The following NPSR1 variants were observed in gnomAD, a reference collection of about 807,000 sequenced individuals.
NPSR1 encodes the protein neuropeptide S receptor.
NPSR1 carries 48 observed loss-of-function variants against 46.9 expected under a neutral mutation model. That is an observed-to-expected ratio of 1.02 (90% CI 0.81 to 1.30). The LOEUF (loss-of-function observed/expected upper bound fraction) is 1.30. Ranked by LOEUF, NPSR1 falls within the 50% of genes most tolerant of loss-of-function variation. The pLI is 0.00. For missense variants in NPSR1, 450 were observed against 449.5 expected (o/e 1.00, Z -0.01); for synonymous variants, 176 against 168.1 (o/e 1.05, Z -0.36).
chr7:34,739,505 T>C (rs984094807), intron 2 of NPSR1, among the ~76,000 whole-genome samples: 3 of 152,228 alleles, frequency 2.0e-5, no homozygotes, highest in Non-Finnish European at 2.9e-5. Flanking sequence ...TGAGCATTTT[T>C]TCATGTGCTT....
chr7:34,700,462 G>C (rs1429984592), intron 2 of NPSR1, among the ~76,000 whole-genome samples: 3 of 152,146 alleles, frequency 2.0e-5, no homozygotes, highest in African/African-American at 7.2e-5. Context: ...AGGGATTTAA[G>C]CCTGAAGTTT....
chr7:34,658,592 C>T (rs1562631314), intron 1 of NPSR1, 33 bp downstream of exon 1: 4 of 1,602,886 alleles, frequency 2.5e-6, no homozygotes, highest in South Asian at 1.1e-5. Flanking sequence ...TGAACACTGA[C>T]TTATAACAAT....
intron 2 of NPSR1, chr7:34,704,044 G>A (rs1395819148): frequency 6.6e-6 from 1 of 152,144 alleles, no homozygotes; most frequent in Admixed American, 6.5e-5. Flanking sequence ...AATGAGCTTA[G>A]GAATTCTCTG....
intron 1 of NPSR1, among the ~76,000 whole-genome samples, chr7:34,672,867 T>G (rs1792126218): frequency 6.6e-6 from 1 of 152,184 alleles, no homozygotes; most frequent in African/African-American, 2.4e-5. Flanking sequence ...CTCCGGACAA[T>G]GACACAGGCC....
intron 2 of NPSR1, among the ~76,000 whole-genome samples, chr7:34,735,986 G>T (rs2128716299): frequency 6.6e-6 from 1 of 152,200 alleles, no homozygotes; most frequent in Non-Finnish European, 1.5e-5. Context: ...AAAAAGTGAA[G>T]CCTCACATTA....
At position 34,841,986 on chromosome 7, in the gene NPSR1, A is replaced by AC. The variant is rs1584131619; in HGVS notation, c.758-2909dup. On this transcript the variant is annotated intron_variant, in intron 6 of 8. Transcript: ENST00000360581. ...GCTGTACATAATTCTTACACAGATA[A>AC]CAACCTTGTATAATAGACAATCAAA... Among the ~76,000 whole-genome samples the AC allele has an allele frequency of 2.6e-5, 4 of 152,336 alleles. No homozygotes were observed. In the East Asian group the frequency reaches 7.7e-4, roughly 29 times the overall value.
chr7:34,827,034 T>C (rs1789888532), intron 4 of NPSR1, among the ~76,000 whole-genome samples: 2 of 152,170 alleles, frequency 1.3e-5, no homozygotes, highest in South Asian at 4.1e-4. Context: ...AGACTGCATA[T>C]GGGTAGACAC....
chr7:34,810,442 A>G (rs1164040603), intron 3 of NPSR1, among the ~76,000 whole-genome samples: 2 of 152,238 alleles, frequency 1.3e-5, no homozygotes, highest in Non-Finnish European at 2.9e-5. Context: ...ACAGATAATT[A>G]AAAGGTGTGG....
intron 8 of NPSR1, among the ~76,000 whole-genome samples, chr7:34,868,444 C>A (rs1791371043): frequency 6.6e-6 from 1 of 151,668 alleles, no homozygotes; most frequent in African/African-American, 2.4e-5. Flanking sequence ...GAGGGTCAAC[C>A]TGCAAAAAGT....
chr7:34,797,038 C>T (rs555834549), intron 3 of NPSR1, among the ~76,000 whole-genome samples: 5 of 152,252 alleles, frequency 3.3e-5, no homozygotes, highest in African/African-American at 9.6e-5. Flanking sequence ...TTACGTGTCT[C>T]ATGCAAAGAC....
chr7:34,866,340 C>T (rs1416147589), intron 8 of NPSR1, among the ~76,000 whole-genome samples: 1 of 151,746 alleles, frequency 6.6e-6, no homozygotes, highest in African/African-American at 2.4e-5. Context: ...CGTGAGTAAA[C>T]AGAGGAAGTC....
At chr7:34,811,469 G>C (rs559328041) in intron 3 of NPSR1, among the ~76,000 whole-genome samples, 23 of 152,224 alleles carry the variant, frequency 1.5e-4, no homozygotes, top group Non-Finnish European at 1.0e-4. Flanking sequence ...GTACAGGATA[G>C]GGGCATGTAG....
At chr7:34,677,015 A>G (rs1792353221) in intron 1 of NPSR1, among the ~76,000 whole-genome samples, 1 of 152,238 alleles carries the variant, frequency 6.6e-6, no homozygotes, top group South Asian at 2.1e-4. Flanking sequence ...TAGTCCAAGA[A>G]CAAAAGCCCA....
chr7:34,670,207 G>A (rs1005722816), intron 1 of NPSR1, among the ~76,000 whole-genome samples: 3 of 152,092 alleles, frequency 2.0e-5, no homozygotes, highest in Admixed American at 6.6e-5. Flanking sequence ...TTCCCTATTA[G>A]TTATTAATAA....
intron 8 of NPSR1, 111 bp from the exon 9 acceptor site, chr7:34,849,454 A>G: frequency 1.9e-6 from 3 of 1,602,164 alleles, no homozygotes; most frequent in Non-Finnish European, 2.6e-6. Context: ...TGCCTGGCAC[A>G]GTTGTCTGAC....
intron 7 of NPSR1, among the ~76,000 whole-genome samples, chr7:34,845,186 C>T (rs1279633057): frequency 5.3e-5 from 8 of 152,186 alleles, no homozygotes; most frequent in Admixed American, 4.6e-4. Flanking sequence ...CTTATGAATA[C>T]AGCTGCCTGC....
At chr7:34,836,737 G>A (rs1790388772) in intron 6 of NPSR1, among the ~76,000 whole-genome samples, 1 of 148,214 alleles carries the variant, frequency 6.7e-6, no homozygotes, top group Non-Finnish European at 1.5e-5. Flanking sequence ...AAGGAAAGAT[G>A]GGTAGAAGAA....
At chr7:34,658,645 CAGTATTGTGAATG>C in intron 1 of NPSR1, 86 bp downstream of exon 1, 1 of 1,289,706 alleles carries the variant, frequency 7.8e-7, no homozygotes, top group Non-Finnish European at 1.1e-6. Flanking sequence ...GTATCATAGC[CAGTATTGTGAATG>C]AGTGTTATTT....
chr7:34,722,704 G>C (rs1186900093), intron 2 of NPSR1, among the ~76,000 whole-genome samples: 2 of 152,192 alleles, frequency 1.3e-5, no homozygotes, highest in Non-Finnish European at 2.9e-5. Flanking sequence ...AAAGTGGGCA[G>C]ACTTGAGCTA....
Sources: gnomAD v4.1 joint callset for allele counts (sites outside exome capture counted in the v4.1 genomes callset) on GRCh38, gnomAD v4.1.1 for gene constraint, MANE v1.5 for transcripts, NCBI Gene and HGNC (gene_info 2026-07-23, HGNC 2026-07-21) for gene names.